The following SPATA16 variants were observed in gnomAD, a reference collection of about 807,000 sequenced individuals.
SPATA16 encodes spermatogenesis associated 16.
Under a neutral mutation model 63.3 loss-of-function variants are expected in SPATA16, and 36 were observed. The observed-to-expected ratio is 0.57, with a 90% CI of 0.44 to 0.75. The LOEUF (loss-of-function observed/expected upper bound fraction) is 0.75. Among genes scored for constraint, SPATA16 ranks in the 30% least tolerant of loss-of-function variants. SPATA16 has a pLI of 0.00. For missense variants in SPATA16, 646 were observed against 679.3 expected (o/e 0.95, Z 0.54); for synonymous variants, 203 against 216.7 (o/e 0.94, Z 0.56).
At chr3:173,038,417 G>A (rs1735762810) in intron 3 of SPATA16, among the ~76,000 whole-genome samples, 1 of 152,022 alleles carries the variant, frequency 6.6e-6, no homozygotes, top group African/African-American at 2.4e-5. Flanking sequence ...TTAAAATTGT[G>A]CTGGTTAAAT....
At chr3:173,128,517 C>T (rs1352790502) in intron 1 of SPATA16, among the ~76,000 whole-genome samples, 2 of 152,064 alleles carry the variant, frequency 1.3e-5, no homozygotes, top group Admixed American at 1.3e-4. Flanking sequence ...TTCAGCATGT[C>T]TGGGGTAATG....
chr3:172,913,807 A>C, intron 9 of SPATA16, 63 bp from the exon 10 acceptor site: 1 of 1,374,534 alleles, frequency 7.3e-7, no homozygotes. Context: ...CTCTAAATAC[A>C]CAGATTAAAA....
chr3:172,921,318 A>C (rs953008372), intron 8 of SPATA16, among the ~76,000 whole-genome samples: 11 of 152,120 alleles, frequency 7.2e-5, no homozygotes, highest in African/African-American at 2.7e-4. Context: ...AAAATCTAAA[A>C]TTCTTTAAGA....
intron 6 of SPATA16, among the ~76,000 whole-genome samples, chr3:172,955,002 T>G (rs6781018): frequency 0.45 from 68,551 of 151,998 alleles, 16,049 homozygotes; most frequent in African/African-American, 0.59. Context: ...CAATCATTAG[T>G]AACTTATAAT....
rs187751969 is a variant in SPATA16, at chr3:172,928,855, G to A, written c.1082-3363C>T. 3.2e-3 allele frequency among the ~76,000 whole-genome samples: 483 copies of A among 152,150 alleles called. 5 individuals are homozygous for A. Among genetic ancestry groups the A allele is most frequent in the African/African-American group, 0.011 (461 of 41,506 alleles). On this transcript the variant is annotated intron_variant, in intron 6 of 10. Coordinates refer to ENST00000351008, the MANE Select transcript of SPATA16 (RefSeq NM_031955.6). Reference sequence around the variant, plus strand: ...AATTTAGAAAAAAATTTTTTTTCAAGTATCATTCTTTTTCCATTTGTATGC... The same window carrying A: ...AATTTAGAAAAAAATTTTTTTTCAAATATCATTCTTTTTCCATTTGTATGC...
At chr3:173,083,100 T>C (rs1341633492) in intron 2 of SPATA16, among the ~76,000 whole-genome samples, 2 of 152,084 alleles carry the variant, frequency 1.3e-5, no homozygotes, top group Non-Finnish European at 2.9e-5. Context: ...ATAATTTTAA[T>C]TAAAAGTCAA....
chr3:173,046,829 T>C (rs1232893509), intron 3 of SPATA16, among the ~76,000 whole-genome samples: 6 of 152,148 alleles, frequency 3.9e-5, no homozygotes, highest in African/African-American at 1.2e-4. Flanking sequence ...TATTGACTTA[T>C]GCAGTTCTGC....
Position 172,976,996 on chromosome 3 carries a change from A to T in SPATA16, c.905T>A (p.Ile302Lys). The stretch of plus-strand genomic sequence containing the variant: ...CCAATACAGTTTGATGAGCTTGCTT[A>T]TGCTCTCTTCCCTTCCTCCACCAAG... ...FWLGGGREES[I>K]SKLIKLYWQA... The change falls in exon 5 of 11, where the codon ATA (isoleucine) becomes AAA (lysine). Residue 302 changes from isoleucine (I) to lysine (K), a missense_variant. Physicochemically the swap from Ile to Lys is moderately radical, Grantham distance 102. Transcript: ENST00000351008. The T allele has an allele frequency of 6.2e-7, 1 of 1,612,238 alleles. No individual in the cohort carries two copies. Among genetic ancestry groups the T allele is most frequent in the Non-Finnish European group, 8.5e-7 (1 of 1,179,424 alleles).
rs1731849222 is a variant in SPATA16, at chr3:172,889,476, G to C, written c.*94C>G. On this transcript the variant is annotated 3_prime_UTR_variant, in exon 11 of 11. Coordinates refer to ENST00000351008, the MANE Select transcript of SPATA16 (RefSeq NM_031955.6). ...CTCTTTCTTTTGGTGACAAGCTTTT[G>C]TTATCCAGCTTCACAGTACTAGGTG... 1 of 1,574,572 alleles carries C rather than the reference G, an allele frequency of 6.4e-7. No individual in the cohort carries two copies. Among genetic ancestry groups the C allele is most frequent in the Non-Finnish European group, 8.7e-7 (1 of 1,150,468 alleles).
chr3:173,129,196 G>A (rs990694424), intron 1 of SPATA16, among the ~76,000 whole-genome samples: 25 of 152,204 alleles, frequency 1.6e-4, no homozygotes, highest in African/African-American at 5.8e-4. Flanking sequence ...GAACTCAGGA[G>A]CAAGAGATCA....
chr3:172,907,543 A>C (rs1449987634), intron 10 of SPATA16, among the ~76,000 whole-genome samples: 1 of 150,480 alleles, frequency 6.6e-6, no homozygotes. Context: ...TTCCTTGTGC[A>C]TGTTGGCACA....
chr3:173,108,455 G>T (rs187352853), intron 2 of SPATA16, among the ~76,000 whole-genome samples: 1 of 152,164 alleles, frequency 6.6e-6, no homozygotes, highest in South Asian at 2.1e-4. Flanking sequence ...AGGAAGTGAT[G>T]AGTATTTTCA....
At position 172,916,492 on chromosome 3, in the gene SPATA16, A is replaced by C; in HGVS notation, c.1339-11T>G. 6.2e-7 allele frequency: 1 copy of C among 1,613,530 alleles called. No individual in the cohort carries two copies. The highest frequency in any genetic ancestry group is 2.2e-5 in the East Asian group (1 of 44,884). ...TGCAGGAAAACTCCCCTAGTCTCAA[A>C]GTAAAAGAAATGTTTTAGAACAAAA... On this transcript the variant is annotated splice_polypyrimidine_tract_variant and intron_variant, in intron 8 of 10. Transcript: ENST00000351008.
At chr3:173,027,070 G>A (rs1347336136) in intron 3 of SPATA16, among the ~76,000 whole-genome samples, 1 of 151,686 alleles carries the variant, frequency 6.6e-6, no homozygotes, top group African/African-American at 2.4e-5. Flanking sequence ...CCATAATTAA[G>A]GCTTTATTTA....
chr3:172,898,388 T>C (rs73175056), intron 10 of SPATA16, among the ~76,000 whole-genome samples: 9,216 of 152,060 alleles, frequency 0.061, 435 homozygotes, highest in Admixed American at 0.11. Context: ...CTGGGGAGTT[T>C]ATAATTATGA....
At chr3:172,994,474 G>A (rs1734652953) in intron 4 of SPATA16, among the ~76,000 whole-genome samples, 2 of 152,110 alleles carry the variant, frequency 1.3e-5, no homozygotes, top group Admixed American at 1.3e-4. Flanking sequence ...ATAGGCAAAT[G>A]TGTGGAAGCA....
intron 2 of SPATA16, among the ~76,000 whole-genome samples, chr3:173,087,956 T>A (rs1402218980): frequency 6.6e-6 from 1 of 152,062 alleles, no homozygotes; most frequent in Non-Finnish European, 1.5e-5. Context: ...GCCCTTAATA[T>A]TTTTTTCTCC....
At chr3:173,131,688 G>C (rs1738389551) in intron 1 of SPATA16, among the ~76,000 whole-genome samples, 1 of 152,098 alleles carries the variant, frequency 6.6e-6, no homozygotes, top group South Asian at 2.1e-4. Context: ...ACAGGAGAAA[G>C]GGCTTTGGAG....
intron 10 of SPATA16, among the ~76,000 whole-genome samples, chr3:172,908,787 T>C (rs2109555938): frequency 6.6e-6 from 1 of 152,336 alleles, no homozygotes; most frequent in South Asian, 2.1e-4. Context: ...GTGGTGATGC[T>C]GATATCAACT....
Sources: allele counts gnomAD v4.1 joint callset (sites outside exome capture counted in the v4.1 genomes callset), GRCh38; gene constraint gnomAD v4.1.1; transcripts MANE v1.5; gene names NCBI Gene and HGNC (gene_info 2026-07-23, HGNC 2026-07-21).